RFC3: variants seen among roughly 807,000 people sequenced by gnomAD.
RFC3 encodes the protein replication factor C subunit 3, also known as A1 38 kDa subunit.
In RFC3, 41 loss-of-function variants were observed where a neutral mutation model predicts 45.1. The ratio of observed to expected loss-of-function variants is 0.91; its 90% CI spans 0.71 to 1.18. The LOEUF (loss-of-function observed/expected upper bound fraction) is 1.18. Ranked by LOEUF, RFC3 falls within the 50% of genes most tolerant of loss-of-function variation. The probability of loss-of-function intolerance (pLI) is 0.00; values close to 1 mark genes in which losing one functional copy is unlikely to be tolerated. For synonymous variants in RFC3, 149 were observed against 144.0 expected (o/e 1.03, Z -0.25); for missense variants, 423 against 428.1 (o/e 0.99, Z 0.10).
chr13:33,928,158 G>A (rs1441921087), intron 8 of RFC3, among the ~76,000 whole-genome samples: 1 of 152,082 alleles, frequency 6.6e-6, no homozygotes, highest in African/African-American at 2.4e-5. Context: ...TGTCAGGATC[G>A]TGGGCTTACC....
chr13:33,960,465 T>C (rs534338153), intron 8 of RFC3, among the ~76,000 whole-genome samples: 1 of 152,202 alleles, frequency 6.6e-6, no homozygotes, highest in African/African-American at 2.4e-5. Flanking sequence ...AATTATTTTT[T>C]AAATTTGCAT....
chr13:33,880,843 G>A (rs1238180242), intron 8 of RFC3, among the ~76,000 whole-genome samples: 1 of 152,164 alleles, frequency 6.6e-6, no homozygotes, highest in Non-Finnish European at 1.5e-5. Flanking sequence ...AGATCACAAG[G>A]TCAGGAGTTC....
intron 4 of RFC3, 27 bp from the exon 5 acceptor site, chr13:33,829,809 A>G (rs1805374): frequency 0.016 from 25,924 of 1,594,150 alleles, 293 homozygotes; most frequent in Non-Finnish European, 0.019. Context: ...CTCAAGTTAA[A>G]GTTTGTTTTG....
intron 8 of RFC3, among the ~76,000 whole-genome samples, chr13:33,886,307 G>A (rs1473186521): frequency 6.6e-6 from 1 of 152,100 alleles, no homozygotes; most frequent in Non-Finnish European, 1.5e-5. Context: ...AGCACTTTGG[G>A]AGGCCGAGGT....
intron 8 of RFC3, among the ~76,000 whole-genome samples, chr13:33,949,952 T>C (rs2137827669): frequency 6.6e-6 from 1 of 152,242 alleles, no homozygotes; most frequent in East Asian, 1.9e-4. Context: ...CCTGCTGGCC[T>C]TGGGATTGAA....
At chr13:33,895,679 C>G (rs534956960) in intron 8 of RFC3, among the ~76,000 whole-genome samples, 1 of 152,172 alleles carries the variant, frequency 6.6e-6, no homozygotes, top group South Asian at 2.1e-4. Flanking sequence ...GGGAAAAAGT[C>G]GTTATATCAT....
At chr13:33,866,616 G>A (rs550240919) in intron 8 of RFC3, among the ~76,000 whole-genome samples, 5 of 152,292 alleles carry the variant, frequency 3.3e-5, no homozygotes, top group African/African-American at 7.2e-5. Context: ...GTAAAGGCAG[G>A]TCTGAGCCCC....
intron 4 of RFC3, among the ~76,000 whole-genome samples, chr13:33,827,704 G>A (rs2082063517): frequency 6.6e-6 from 1 of 152,140 alleles, no homozygotes. Flanking sequence ...TTAAGTAACA[G>A]TTTAGGAAAT....
At chr13:33,820,045 C>T (rs1339131563) in intron 1 of RFC3, among the ~76,000 whole-genome samples, 2 of 152,126 alleles carry the variant, frequency 1.3e-5, no homozygotes, top group East Asian at 1.9e-4. Context: ...TCTTAAGATA[C>T]GTATTCCATT....
At chr13:33,886,904 G>T (rs1428644544) in intron 8 of RFC3, among the ~76,000 whole-genome samples, 3 of 149,180 alleles carry the variant, frequency 2.0e-5, no homozygotes, top group Non-Finnish European at 4.4e-5. Context: ...TTGTTCTTGC[G>T]ATAGTTTACT....
chr13:33,959,859 T>C (rs1444189956), intron 8 of RFC3, among the ~76,000 whole-genome samples: 1 of 152,142 alleles, frequency 6.6e-6, no homozygotes, highest in East Asian at 1.9e-4. Flanking sequence ...TCTAATTGGC[T>C]CATGGTTCTG....
Position 33,844,503 on chromosome 13 carries a change from A to T in RFC3, c.879+9286A>T, listed in dbSNP as rs1455797207. 5.3e-5 allele frequency among the ~76,000 whole-genome samples: 8 copies of T among 151,626 alleles called. No individual in the cohort carries two copies. In the East Asian group the frequency reaches 1.5e-3, roughly 29 times the overall value. ...GCTTGCCTGCTTACGTGATTTTCTC[A>T]GTGGTGTGTTTCAATATCTTGCTTT... is the stretch of plus-strand genomic sequence containing the variant. On this transcript the variant is annotated intron_variant, in intron 8 of 8. Transcript: ENST00000434425.
chr13:33,895,521 C>A (rs752492846), intron 8 of RFC3, among the ~76,000 whole-genome samples: 3 of 152,102 alleles, frequency 2.0e-5, no homozygotes, highest in Non-Finnish European at 4.4e-5. Context: ...AAAAAGGGAA[C>A]GCTTATACAC....
At chr13:33,888,927 G>T (rs950610771) in intron 8 of RFC3, among the ~76,000 whole-genome samples, 1 of 152,074 alleles carries the variant, frequency 6.6e-6, no homozygotes, top group Non-Finnish European at 1.5e-5. Flanking sequence ...TGTATTTTTA[G>T]TAGAGACGGG....
intron 8 of RFC3, among the ~76,000 whole-genome samples, chr13:33,909,534 A>T (rs9570578): frequency 0.13 from 19,209 of 151,122 alleles, 2,606 homozygotes; most frequent in African/African-American, 0.35. Context: ...TCTTCCTGTT[A>T]CCCCTCTCTC....
rs1015685854 is a variant in RFC3, at chr13:33,905,636, C to G, written c.880-60451C>G. On this transcript the variant is annotated intron_variant, in intron 8 of 8. Coordinates refer to the RFC3 transcript ENST00000434425. ...CTCTTCCCCTATAATAGTCAATGTT[C>G]ATGGTACAGATGATTGCTACAATAT... 1.2e-4 allele frequency among the ~76,000 whole-genome samples: 19 copies of G among 152,026 alleles called. 1 individual carries two copies. Among genetic ancestry groups the G allele is most frequent in the Admixed American group, 1.2e-3 (19 of 15,242 alleles).
intron 8 of RFC3, among the ~76,000 whole-genome samples, chr13:33,860,111 G>A (rs2082331580): frequency 6.6e-6 from 1 of 152,162 alleles, no homozygotes; most frequent in African/African-American, 2.4e-5. Flanking sequence ...AGCCAACCCT[G>A]CAGTCACTTG....
At chr13:33,902,181 T>C (rs1351826622) in intron 8 of RFC3, among the ~76,000 whole-genome samples, 2 of 152,030 alleles carry the variant, frequency 1.3e-5, no homozygotes, top group Non-Finnish European at 2.9e-5. Context: ...TGATGGAATA[T>C]GGTGAGATTC....
chr13:33,881,295 A>C (rs2082482013), intron 8 of RFC3, among the ~76,000 whole-genome samples: 1 of 152,156 alleles, frequency 6.6e-6, no homozygotes, highest in Admixed American at 6.5e-5. Flanking sequence ...AGAGTCAATA[A>C]CTGTTTCAGT....
Sources: allele counts gnomAD v4.1 joint callset (sites outside exome capture counted in the v4.1 genomes callset), GRCh38; gene constraint gnomAD v4.1.1; transcripts MANE v1.5; gene names NCBI Gene and HGNC (gene_info 2026-07-23, HGNC 2026-07-21).